PYGB: variants seen among roughly 807,000 people sequenced by gnomAD.
The protein encoded by PYGB is glycogen phosphorylase B.
PYGB carries 82 observed loss-of-function variants against 94.3 expected under a neutral mutation model. That is an observed-to-expected ratio of 0.87 (90% CI 0.73 to 1.04). The LOEUF is 1.04. Ranked by LOEUF, PYGB falls within the 50% of genes least tolerant of loss-of-function variation. The pLI, the probability that PYGB is intolerant of heterozygous loss-of-function variation, is 0.00. For synonymous variants in PYGB, 488 were observed against 479.1 expected, an observed-to-expected ratio of 1.02 and a Z score of -0.24; for missense variants, 1,132 against 1,158.2, an observed-to-expected ratio of 0.98 and a Z score of 0.33.
chr20:25,273,084 A>T (rs1157472243), intron 4 of PYGB, among the ~76,000 whole-genome samples: 1 of 152,216 alleles, frequency 6.6e-6, no homozygotes, highest in Non-Finnish European at 1.5e-5. Flanking sequence ...AGTTGGCTTT[A>T]GCCATGGAAG....
chr20:25,290,596 A>G lies in PYGB; in HGVS notation c.1943A>G (p.Asn648Ser). 6.2e-7 allele frequency: 1 copy of G among 1,606,826 alleles called. No individual in the cohort carries two copies. ...GDRLKVIFLE[N>S]YRVSLAEKVI... ...AGGTTGAAAGTGATCTTCCTGGAGA[A>G]CTACCGTGTGTCCTTGGCTGAGAAA... Residue 648 changes from asparagine to serine, a missense_variant, in exon 16 of 20, where the codon AAC (asparagine) becomes AGC (serine). Asn to Ser is a conservative substitution (Grantham distance 46). Transcript: ENST00000216962.
chr20:25,287,474 A>G (rs1308854395), intron 14 of PYGB, among the ~76,000 whole-genome samples: 1 of 152,048 alleles, frequency 6.6e-6, no homozygotes, highest in Non-Finnish European at 1.5e-5. Flanking sequence ...GTGAAACCCC[A>G]TCTGTACTAA....
At chr20:25,284,317 G>C (rs954875417) in intron 14 of PYGB, 66 bp downstream of exon 14, 1 of 1,570,112 alleles carries the variant, frequency 6.4e-7, no homozygotes, top group Non-Finnish European at 8.6e-7. Flanking sequence ...CCCGCCAGCT[G>C]TGCACAGACC....
At chr20:25,291,978 C>T (rs570977357) in intron 16 of PYGB, among the ~76,000 whole-genome samples, 1 of 152,344 alleles carries the variant, frequency 6.6e-6, no homozygotes, top group Admixed American at 6.5e-5. Flanking sequence ...TCAGCCGCTC[C>T]AGCCTTCTGG....
chr20:25,263,573 A>G (rs959007476), intron 2 of PYGB, among the ~76,000 whole-genome samples: 2 of 152,318 alleles, frequency 1.3e-5, no homozygotes, highest in Non-Finnish European at 2.9e-5. Context: ...AATCAAATAG[A>G]TGCAATAAAA....
At chr20:25,285,203 G>C (rs1261097727) in intron 14 of PYGB, 1 of 152,134 alleles carries the variant, frequency 6.6e-6, no homozygotes, top group East Asian at 1.9e-4. Flanking sequence ...GGTGCTTCCC[G>C]GGGCTGTGGC....
At chr20:25,295,537 C>T (rs752640489) in intron 18 of PYGB, 67 bp from the exon 19 acceptor site, 35 of 1,527,940 alleles carry the variant, frequency 2.3e-5, no homozygotes, top group Non-Finnish European at 2.8e-5. Flanking sequence ...CCCTGGGACT[C>T]TCCCCTCGGG....
At chr20:25,281,955 A>G in intron 11 of PYGB, 78 bp from the exon 12 acceptor site, 1 of 1,287,226 alleles carries the variant, frequency 7.8e-7, no homozygotes, top group Non-Finnish European at 1.1e-6. Context: ...GGACCTCCTT[A>G]AAAGGACTTT....
intron 4 of PYGB, among the ~76,000 whole-genome samples, chr20:25,274,165 A>G (rs536554884): frequency 3.9e-5 from 6 of 152,288 alleles, no homozygotes; most frequent in Admixed American, 2.0e-4. Flanking sequence ...CCCTGCACCA[A>G]TTTGCAGTCA....
chr20:25,279,899 C>G (rs2088350029), intron 9 of PYGB, among the ~76,000 whole-genome samples: 1 of 152,202 alleles, frequency 6.6e-6, no homozygotes, highest in Non-Finnish European at 1.5e-5. Flanking sequence ...CAGTGTCCTC[C>G]CCACCATGTC....
At chr20:25,251,989 C>G (rs1271473914) in intron 1 of PYGB, among the ~76,000 whole-genome samples, 1 of 152,224 alleles carries the variant, frequency 6.6e-6, no homozygotes, top group Non-Finnish European at 1.5e-5. Context: ...GTGATCCCCA[C>G]TTCTGGGATT....
At chr20:25,254,286 A>G (rs764792056) in intron 1 of PYGB, among the ~76,000 whole-genome samples, 1 of 152,194 alleles carries the variant, frequency 6.6e-6, no homozygotes, top group Non-Finnish European at 1.5e-5. Flanking sequence ...GCAATAATAC[A>G]ATTGTAAAAA....
Position 25,259,808 on chromosome 20 carries a change from A to G in PYGB, c.345+470A>G, listed in dbSNP as rs73341155. On this transcript the variant is annotated intron_variant, in intron 2 of 19. Transcript: ENST00000216962. Reference sequence around the variant, plus strand: ...ACCTGCCTTTTCTTGAGAGTTCTTCATTAGCACTTGTTCACTTTGAACTTA... The same window carrying G: ...ACCTGCCTTTTCTTGAGAGTTCTTCGTTAGCACTTGTTCACTTTGAACTTA... 6.6e-3 allele frequency among the ~76,000 whole-genome samples: 1,007 copies of G among 152,304 alleles called. 15 individuals are homozygous for G. The highest frequency in any genetic ancestry group is 0.023 in the African/African-American group (965 of 41,570).
chr20:25,269,485 TTTC>T (rs2088247651), intron 3 of PYGB, among the ~76,000 whole-genome samples: 1 of 152,244 alleles, frequency 6.6e-6, no homozygotes, highest in African/African-American at 2.4e-5. Flanking sequence ...TGCTGACCAC[TTTC>T]CAGGGCACAA....
rs761193106 is a variant in PYGB at position 25,278,307 on chromosome 20, T to G, written c.856-12T>G. 8 of 1,272,326 alleles carry G rather than the reference T, an allele frequency of 6.3e-6. 1 individual carries two copies. In the South Asian group the frequency reaches 1.1e-4, roughly 18 times the overall value. The allele number at this position is 1,272,326 out of a possible 1,614,324, so 78.8% of individuals were successfully genotyped here. A position where few individuals can be genotyped will look rare whatever the true frequency, so the allele number is the denominator to read the frequency against. ...CCAGCCTGCACCCTCCAGCTTGCTC[T>G]GCTGTGTGCAGTTCTTTGAGGGGAA... On this transcript the variant is annotated splice_polypyrimidine_tract_variant and intron_variant, in intron 7 of 19. Transcript: ENST00000216962.
At chr20:25,281,141 C>A (rs757642959) in intron 11 of PYGB, 29 bp downstream of exon 11, 1 of 1,612,130 alleles carries the variant, frequency 6.2e-7, no homozygotes, top group Non-Finnish European at 8.5e-7. Context: ...CGAGCGGGGC[C>A]AGCTCTGTCT....
Position 25,292,452 on chromosome 20 carries a change from C to G in PYGB, c.2016C>G (p.Thr672=), listed in dbSNP as rs138320949. 6.2e-7 allele frequency: 1 copy of G among 1,613,482 alleles called. No homozygotes were observed. The highest frequency in any genetic ancestry group is 8.5e-7 in the Non-Finnish European group (1 of 1,180,014). ...CGCAGCAGATCTCCACTGCAGGCAC[C>G]GAGGCCTCAGGCACAGGCAACATGA... is the stretch of plus-strand genomic sequence containing the variant. ...DLSQQISTAG[T]EASGTGNMKF... Residue 672 remains threonine, a synonymous_variant, in exon 17 of 20, where the codon ACC becomes ACG. Coordinates refer to ENST00000216962, the MANE Select transcript of PYGB (RefSeq NM_002862.4).
chr20:25,293,750 G>T (rs368820713), intron 17 of PYGB, among the ~76,000 whole-genome samples: 3 of 152,190 alleles, frequency 2.0e-5, no homozygotes, highest in African/African-American at 2.4e-5. Context: ...TTCCATCTTC[G>T]AGGTCCCAGC....
At chr20:25,295,509 A>C in intron 18 of PYGB, 95 bp from the exon 19 acceptor site, 1 of 1,398,206 alleles carries the variant, frequency 7.2e-7, no homozygotes, top group East Asian at 2.3e-5. Context: ...GACCAGGTGG[A>C]TGGTGCCTGG....
Sources: gnomAD v4.1 joint callset for allele counts (sites outside exome capture counted in the v4.1 genomes callset) on GRCh38, gnomAD v4.1.1 for gene constraint, MANE v1.5 for transcripts, NCBI Gene and HGNC (gene_info 2026-07-23, HGNC 2026-07-21) for gene names.